The following PLAT variants were observed in gnomAD, a reference collection of about 807,000 sequenced individuals.
PLAT encodes the protein tissue-type plasminogen activator.
A neutral mutation model predicts 74.9 loss-of-function variants in PLAT; 48 were observed. That is an observed-to-expected ratio of 0.64 (90% CI 0.51 to 0.82). PLAT has a LOEUF of 0.82. PLAT is among the 40% of genes least tolerant of loss of function. PLAT has a pLI of 0.00. For missense variants in PLAT, 673 were observed against 736.2 expected, an observed-to-expected ratio of 0.91 and a Z score of 0.99; for synonymous variants, 307 against 294.4, an observed-to-expected ratio of 1.04 and a Z score of -0.44.
At chr8:42,199,947 A>G (rs1563263830) in intron 1 of PLAT, among the ~76,000 whole-genome samples, 1 of 152,216 alleles carries the variant, frequency 6.6e-6, no homozygotes, top group East Asian at 1.9e-4. Context: ...TAAATACGCA[A>G]TGATTTGACA....
At chr8:42,204,613 G>C (rs8178682) in intron 1 of PLAT, among the ~76,000 whole-genome samples, 2,701 of 151,904 alleles carry the variant, frequency 0.018, 93 homozygotes, top group African/African-American at 0.062. Context: ...TATTTGGGAG[G>C]CTGAGGCAGG....
At chr8:42,191,507 G>A (rs988692677) in intron 2 of PLAT, 93 bp from the exon 3 acceptor site, 30 of 1,104,866 alleles carry the variant, frequency 2.7e-5, no homozygotes, top group Admixed American at 5.3e-5. Context: ...TGAACCTGCC[G>A]GCCAGATACC....
rs369774367 is a variant in PLAT at position 42,180,087 on chromosome 8, G to A, written c.1223-21C>T. On this transcript the variant is annotated intron_variant, in intron 11 of 13. Transcript: ENST00000220809. ...CAGCGCTGGGAGGGAGAAAGGAGGAGTGAGCTGGCGTGAGGGCCGCGTCCC... is the reference window on the plus strand; with the variant it reads ...CAGCGCTGGGAGGGAGAAAGGAGGAATGAGCTGGCGTGAGGGCCGCGTCCC... 2.2e-4 allele frequency: 349 copies of A among 1,596,184 alleles called. 2 individuals carry two copies. The highest frequency in any genetic ancestry group is 4.1e-5 in the Non-Finnish European group (48 of 1,168,640).
chr8:42,197,147 A>G (rs1398550765), intron 1 of PLAT, among the ~76,000 whole-genome samples: 1 of 152,176 alleles, frequency 6.6e-6, no homozygotes, highest in Admixed American at 6.5e-5. Flanking sequence ...AATCTGTGCA[A>G]ATTAGAAAAA....
intron 13 of PLAT, among the ~76,000 whole-genome samples, chr8:42,176,852 G>T (rs1037217939): frequency 6.6e-6 from 1 of 152,096 alleles, no homozygotes; most frequent in Non-Finnish European, 1.5e-5. Context: ...CTTAAATGTT[G>T]TATAGCTCAC....
intron 1 of PLAT, among the ~76,000 whole-genome samples, chr8:42,194,796 C>G (rs902187196): frequency 3.3e-5 from 1 of 30,658 alleles, no homozygotes; most frequent in South Asian, 1.8e-3. Flanking sequence ...CCACGCCCAC[C>G]CCCCCCACCG....
chr8:42,180,559 C>T lies in PLAT; in HGVS notation c.1016G>A (p.Arg339Gln), dbSNP rs760967419. ...GATGAGTATGCCCCCGCACAGGAACCGCTCTCCGGGCGACCTCCTGTGCTT... is the reference window on the plus strand; with the variant it reads ...GATGAGTATGCCCCCGCACAGGAACTGCTCTCCGGGCGACCTCCTGTGCTT... ...FAKHRRSPGE[R>Q]FLCGGILISS... is the part of the protein sequence containing the mutation. The change falls in exon 10 of 14, where the codon CGG becomes CAG. Residue 339 changes from arginine (R) to glutamine (Q), a missense_variant. Arg to Gln is a conservative substitution (Grantham distance 43, BLOSUM62 1). Transcript: ENST00000220809. 2.0e-5 allele frequency: 32 copies of T among 1,614,028 alleles called. No homozygotes were observed. The highest frequency in any genetic ancestry group is 2.5e-5 in the Non-Finnish European group (30 of 1,180,024).
At chr8:42,187,227 TATCA>T (rs1332805857) in intron 6 of PLAT, 167 bp downstream of exon 6, 20 of 521,478 alleles carry the variant, frequency 3.8e-5, no homozygotes, top group African/African-American at 1.5e-4. Flanking sequence ...ATCTATCATC[TATCA>T]ATCTATCATC....
Position 42,189,025 on chromosome 8 carries a change from C to T in PLAT, c.162G>A (p.Gln54=). The change falls in exon 4 of 14, where the codon CAG becomes CAA. Residue 54 remains glutamine (Q), a synonymous_variant. Coordinates refer to ENST00000220809, the MANE Select transcript of PLAT (RefSeq NM_000930.5). ...TTCTGAGCACAGGGCGCAGCCATGACTGATGTTGCTGGTATATCATCTGCG... is the reference window on the plus strand; with the variant it reads ...TTCTGAGCACAGGGCGCAGCCATGATTGATGTTGCTGGTATATCATCTGCG... ...EKTQMIYQQH[Q]SWLRPVLRSN... is the part of the protein sequence containing the mutation. 3 of 1,614,090 alleles carry T rather than the reference C, an allele frequency of 1.9e-6. No homozygotes were observed. Among genetic ancestry groups the T allele is most frequent in the East Asian group, 4.5e-5 (2 of 44,890 alleles).
intron 1 of PLAT, among the ~76,000 whole-genome samples, chr8:42,200,030 T>A (rs1806066091): frequency 6.6e-6 from 1 of 152,230 alleles, no homozygotes. Flanking sequence ...CATTGTATCA[T>A]TATATGACTT....
chr8:42,178,489 C>T (rs924324401), intron 13 of PLAT, among the ~76,000 whole-genome samples: 2 of 152,118 alleles, frequency 1.3e-5, no homozygotes, highest in Admixed American at 6.5e-5. Flanking sequence ...AGGCTGGTCT[C>T]GAACTCCTGA....
chr8:42,180,811 ATGT>A, intron 9 of PLAT, 126 bp from the exon 10 acceptor site: 2 of 663,492 alleles, frequency 3.0e-6, no homozygotes, highest in Admixed American at 6.2e-5. Context: ...AGCATGCCGA[ATGT>A]TGTCCATACA....
intron 13 of PLAT, among the ~76,000 whole-genome samples, chr8:42,176,582 A>C (rs971619942): frequency 1.2e-4 from 18 of 152,244 alleles, no homozygotes; most frequent in Admixed American, 1.0e-3. Context: ...GAATGAATAC[A>C]AAGTGTTATA....
intron 1 of PLAT, chr8:42,195,740 A>G (rs1432219072): frequency 6.6e-6 from 1 of 152,026 alleles, no homozygotes; most frequent in African/African-American, 2.4e-5. Flanking sequence ...ATTTTATCCC[A>G]TTACTTAATC....
chr8:42,202,022 CTTAT>C (rs891807293), intron 1 of PLAT, among the ~76,000 whole-genome samples: 12 of 152,006 alleles, frequency 7.9e-5, no homozygotes, highest in South Asian at 2.1e-4. Context: ...GTCTCTCTTT[CTTAT>C]TTATTTGTTT....
chr8:42,193,526 C>T (rs1276376058), intron 1 of PLAT: 1 of 242,672 alleles, frequency 4.1e-6, no homozygotes, highest in African/African-American at 2.2e-5. Flanking sequence ...CTAACTGAAA[C>T]TCTGTAGCCA....
At chr8:42,192,582 A>G (rs908087837) in intron 2 of PLAT, among the ~76,000 whole-genome samples, 1 of 152,140 alleles carries the variant, frequency 6.6e-6, no homozygotes, top group African/African-American at 2.4e-5. Flanking sequence ...AACACAAATT[A>G]AAAAATACCT....
intron 1 of PLAT, among the ~76,000 whole-genome samples, chr8:42,196,477 G>T (rs193143749): frequency 6.6e-6 from 1 of 152,204 alleles, no homozygotes; most frequent in Non-Finnish European, 1.5e-5. Flanking sequence ...TGAGTCATCC[G>T]GCCAGCAGAA....
intron 13 of PLAT, among the ~76,000 whole-genome samples, chr8:42,176,761 C>T (rs8178799): frequency 1.4e-4 from 21 of 152,160 alleles, no homozygotes; most frequent in African/African-American, 4.6e-4. Context: ...TGAATTAACC[C>T]ACCACTATTA....
Sources: allele counts gnomAD v4.1 joint callset (sites outside exome capture counted in the v4.1 genomes callset), GRCh38; gene constraint gnomAD v4.1.1; transcripts MANE v1.5; gene names NCBI Gene and HGNC (gene_info 2026-07-23, HGNC 2026-07-21).